The following VASN variants were observed in gnomAD, a reference collection of about 807,000 sequenced individuals.
The protein encoded by VASN is protein slit-like 2.
A neutral mutation model predicts 4.8 loss-of-function variants in VASN; 5 were observed. The observed-to-expected ratio is 1.03, with a 90% CI of 0.54 to 2.17. The LOEUF is 2.17. Ranked by LOEUF, VASN falls within the 30% of genes most tolerant of loss-of-function variation. VASN has a pLI of 0.01. For synonymous variants in VASN, 499 were observed against 460.8 expected (o/e 1.08, Z -1.06); for missense variants, 927 against 948.8 (o/e 0.98, Z 0.30).
chr16:4,374,793 A>G (rs953636350), intron 1 of VASN, among the ~76,000 whole-genome samples: 4 of 152,080 alleles, frequency 2.6e-5, no homozygotes, highest in Non-Finnish European at 5.9e-5. Context: ...GAGAAGGGCA[A>G]GACCCCTTCC....
rs780895830 is a variant in VASN at position 4,381,751 on chromosome 16, C to T, written c.874C>T (p.Leu292=). The T allele has an allele frequency of 2.9e-5, 46 of 1,602,966 alleles. No homozygotes were observed. Among genetic ancestry groups the T allele is most frequent in the Non-Finnish European group, 3.8e-5 (45 of 1,179,346 alleles). The change falls in exon 2 of 2, where the codon CTG becomes TTG. Residue 292 remains leucine (L), a synonymous_variant. Coordinates refer to ENST00000304735, the MANE Select transcript of VASN (RefSeq NM_138440.3). Reference sequence around the variant, plus strand: ...CTCGGGCCTCTTCCCCCGCCTGCGGCTGCTGGCAGCTGCCCGCAACCCCTT... The same window carrying T: ...CTCGGGCCTCTTCCCCCGCCTGCGGTTGCTGGCAGCTGCCCGCAACCCCTT... ...DLSGLFPRLR[L]LAAARNPFNC... is the part of the protein sequence containing the mutation.
At chr16:4,373,775 A>C (rs930873425) in intron 1 of VASN, among the ~76,000 whole-genome samples, 2 of 152,182 alleles carry the variant, frequency 1.3e-5, no homozygotes, top group Non-Finnish European at 2.9e-5. Context: ...ACAAGAAAGC[A>C]GGGCCCTGCT....
chr16:4,380,510 G>A (rs989784966), intron 1 of VASN, among the ~76,000 whole-genome samples: 3 of 152,204 alleles, frequency 2.0e-5, no homozygotes, highest in East Asian at 1.9e-4. Flanking sequence ...AGGAGCTGCC[G>A]CTCCAAGTCC....
intron 1 of VASN, among the ~76,000 whole-genome samples, chr16:4,372,418 C>G (rs1046742133): frequency 1.3e-5 from 2 of 152,198 alleles, no homozygotes; most frequent in Admixed American, 1.3e-4. Context: ...AAGGGCTGCC[C>G]GGGGTCCTCT....
chr16:4,377,465 T>C (rs984858076), intron 1 of VASN, among the ~76,000 whole-genome samples: 2 of 152,046 alleles, frequency 1.3e-5, no homozygotes, highest in Admixed American at 6.5e-5. Flanking sequence ...TCCCAGAACT[T>C]GTTAAAAGAA....
At position 4,381,834 on chromosome 16, in the gene VASN, A is replaced by G. The variant is rs2054986163; in HGVS notation, c.957A>G (p.Thr319=). 1.2e-6 allele frequency: 2 copies of G among 1,601,358 alleles called. No individual in the cohort carries two copies. The highest frequency in any genetic ancestry group is 2.2e-5 in the East Asian group (1 of 44,860). Residue 319 remains threonine (T), a synonymous_variant, in exon 2 of 2, where the codon ACA becomes ACG. Transcript: ENST00000304735. ...FGPWVRESHV[T]LASPEETRCH... ...CCTGGGTGCGCGAGAGCCACGTCAC[A>G]CTGGCCAGCCCTGAGGAGACGCGCT...
chr16:4,375,767 C>T (rs1055027485), intron 1 of VASN, among the ~76,000 whole-genome samples: 2 of 152,202 alleles, frequency 1.3e-5, no homozygotes, highest in Non-Finnish European at 2.9e-5. Flanking sequence ...GGATTACAGG[C>T]GTGAGCCACC....
In VASN at chr16:4,380,861, G is replaced by A. The variant is rs773342526; in HGVS notation, c.-9-8G>A. 6.7e-7 allele frequency: 1 copy of A among 1,488,916 alleles called. No individual in the cohort carries two copies. The highest frequency in any genetic ancestry group is 8.9e-7 in the Non-Finnish European group (1 of 1,127,054). 92.2% of individuals were successfully genotyped at this position (1,488,916 alleles called of 1,614,324 possible). On this transcript the variant is annotated splice_polypyrimidine_tract_variant and splice_region_variant and intron_variant, in intron 1 of 1. Transcript: ENST00000304735. The stretch of plus-strand genomic sequence containing the variant: ...AGTCTTCTGTCTCTGCCTCCTCTCT[G>A]CTCCCAGGGACAGAAGATGTGCTCC...
intron 1 of VASN, among the ~76,000 whole-genome samples, chr16:4,372,217 C>T (rs539132578): frequency 6.6e-6 from 1 of 152,260 alleles, no homozygotes; most frequent in South Asian, 2.1e-4. Flanking sequence ...AGGGTGCGCG[C>T]CTGAGTGTGC....
intron 1 of VASN, among the ~76,000 whole-genome samples, chr16:4,374,099 G>A (rs1459598919): frequency 6.6e-6 from 1 of 151,710 alleles, no homozygotes; most frequent in African/African-American, 2.4e-5. Flanking sequence ...GTGTGTGTGT[G>A]TGTGTGTCTG....
chr16:4,381,992 C>G lies in VASN; in HGVS notation c.1115C>G (p.Ser372Cys). The G allele has an allele frequency of 1.2e-6, 2 of 1,606,958 alleles. No individual in the cohort carries two copies. Among genetic ancestry groups the G allele is most frequent in the Non-Finnish European group, 1.7e-6 (2 of 1,178,106 alleles). ...RPVVREPTAL[S>C]SSLAPTWLSP... ...GTGGTGCGGGAGCCCACAGCCTTGTCTTCTAGCTTGGCTCCTACCTGGCTT... is the reference window on the plus strand; with the variant it reads ...GTGGTGCGGGAGCCCACAGCCTTGTGTTCTAGCTTGGCTCCTACCTGGCTT... Residue 372 changes from serine to cysteine, a missense_variant, in exon 2 of 2, where the codon TCT becomes TGT. By Grantham distance (112) the Ser-to-Cys change is moderately radical. Transcript: ENST00000304735.
chr16:4,378,179 A>T (rs1044446612), intron 1 of VASN, among the ~76,000 whole-genome samples: 6 of 152,174 alleles, frequency 3.9e-5, no homozygotes, highest in Non-Finnish European at 7.3e-5. Context: ...GCAGCCCTGA[A>T]GTGTCCCAGA....
At chr16:4,373,636 C>T (rs1028229546) in intron 1 of VASN, among the ~76,000 whole-genome samples, 1 of 152,152 alleles carries the variant, frequency 6.6e-6, no homozygotes, top group Non-Finnish European at 1.5e-5. Context: ...GTCCGCGGCT[C>T]CTAGCTCCCA....
At position 4,381,805 on chromosome 16, in the gene VASN, G is replaced by C. The variant is rs762546570; in HGVS notation, c.928G>C (p.Gly310Arg). Reference sequence around the variant, plus strand: ...CTGCGTGTGCCCCCTGAGCTGGTTTGGCCCCTGGGTGCGCGAGAGCCACGT... The same window carrying C: ...CTGCGTGTGCCCCCTGAGCTGGTTTCGCCCCTGGGTGCGCGAGAGCCACGT... ...FNCVCPLSWFGPWVRESHVTL... is the reference protein window; with the variant it reads ...FNCVCPLSWFRPWVRESHVTL... The change falls in exon 2 of 2, where the codon GGC becomes CGC. Residue 310 changes from glycine to arginine, a missense_variant. Gly to Arg is a moderately radical substitution (Grantham distance 125). Transcript: ENST00000304735. 1.9e-6 allele frequency: 3 copies of C among 1,600,484 alleles called. No individual in the cohort carries two copies. The highest frequency in any genetic ancestry group is 2.5e-6 in the Non-Finnish European group (3 of 1,179,452).
chr16:4,378,371 G>A (rs930690847), intron 1 of VASN, among the ~76,000 whole-genome samples: 43 of 152,282 alleles, frequency 2.8e-4, no homozygotes, highest in African/African-American at 9.6e-4. Flanking sequence ...CCACGTGGAG[G>A]ATCCCCTCCC....
chr16:4,380,055 CT>C (rs1347433074), intron 1 of VASN, among the ~76,000 whole-genome samples: 1 of 144,748 alleles, frequency 6.9e-6, no homozygotes, highest in African/African-American at 2.5e-5. Context: ...AAGACTCCGT[CT>C]CAAAAAAAAA....
chr16:4,378,394 G>A (rs1330924123), intron 1 of VASN, among the ~76,000 whole-genome samples: 2 of 152,064 alleles, frequency 1.3e-5, no homozygotes, highest in Non-Finnish European at 2.9e-5. Flanking sequence ...TCTGGAACCT[G>A]GCTGCATCCT....
At position 4,381,338 on chromosome 16, in the gene VASN, AGCTGCAGGACAACGAGCTGCGG is replaced by A; in HGVS notation, c.464_485del (p.Leu155HisfsTer73). On this transcript the variant is annotated frameshift_variant, in exon 2 of 2. Transcript: ENST00000304735. LOFTEE classifies it low-confidence loss of function (END_TRUNC). ...ACGCTCGACCGCCTCCTGGAGCTCA[AGCTGCAGGACAACGAGCTGCGG>A]GCACTGCCCCCGCTGCGCCTGCCCC... 1 of 1,609,024 alleles carries A rather than the reference AGCTGCAGGACAACGAGCTGCGG, an allele frequency of 6.2e-7. No homozygotes were observed. Among genetic ancestry groups the A allele is most frequent in the East Asian group, 2.2e-5 (1 of 44,542 alleles).
At chr16:4,379,154 G>C (rs2141238478) in intron 1 of VASN, among the ~76,000 whole-genome samples, 1 of 152,246 alleles carries the variant, frequency 6.6e-6, no homozygotes, top group African/African-American at 2.4e-5. Flanking sequence ...GGCTGGGTCG[G>C]GGTCGTGTTC....
Sources: gnomAD v4.1 joint callset for allele counts (sites outside exome capture counted in the v4.1 genomes callset) on GRCh38, gnomAD v4.1.1 for gene constraint, MANE v1.5 for transcripts, NCBI Gene and HGNC (gene_info 2026-07-23, HGNC 2026-07-21) for gene names.